PTPRT: variants seen among roughly 807,000 people sequenced by gnomAD.
The protein encoded by PTPRT is protein tyrosine phosphatase receptor type T.
A neutral mutation model predicts 176.8 loss-of-function variants in PTPRT; 56 were observed. The observed-to-expected ratio is 0.32, with a 90% CI of 0.26 to 0.40. PTPRT has a LOEUF of 0.40. PTPRT is among the 10% of genes least tolerant of loss of function. The pLI, the probability that PTPRT is intolerant of heterozygous loss-of-function variation, is 1.00. For synonymous variants in PTPRT, 783 were observed against 739.0 expected (o/e 1.06, Z -0.96); for missense variants, 1,540 against 1,908.2 (o/e 0.81, Z 3.60).
intron 1 of PTPRT, among the ~76,000 whole-genome samples, chr20:43,077,447 G>A (rs995037372): frequency 1.3e-5 from 2 of 152,308 alleles, no homozygotes; most frequent in Middle Eastern, 3.4e-3. Context: ...GTGACCTGGA[G>A]TATAGCGGTG....
intron 9 of PTPRT, among the ~76,000 whole-genome samples, chr20:42,395,957 C>T (rs1244161387): frequency 1.3e-5 from 2 of 152,142 alleles, no homozygotes; most frequent in Non-Finnish European, 2.9e-5. Flanking sequence ...CTTTCACCTC[C>T]TCCAGCTTTA....
intron 1 of PTPRT, among the ~76,000 whole-genome samples, chr20:42,924,081 C>T (rs1979333859): frequency 6.6e-6 from 1 of 152,148 alleles, no homozygotes; most frequent in South Asian, 2.1e-4. Flanking sequence ...TCTCGAACTC[C>T]TACCCTCAAA....
At chr20:42,619,932 C>G (rs1198433880) in intron 7 of PTPRT, among the ~76,000 whole-genome samples, 3 of 147,636 alleles carry the variant, frequency 2.0e-5, no homozygotes, top group Admixed American at 6.7e-5. Context: ...AAGCCTTCTT[C>G]TCTCAGCTCG....
chr20:42,530,378 T>C (rs1395484100), intron 7 of PTPRT, among the ~76,000 whole-genome samples: 8 of 152,318 alleles, frequency 5.3e-5, no homozygotes, highest in Non-Finnish European at 7.3e-5. Context: ...GTGGCTCCTA[T>C]CCATAAGGAG....
At chr20:42,652,773 T>G (rs2145974692) in intron 7 of PTPRT, among the ~76,000 whole-genome samples, 1 of 152,298 alleles carries the variant, frequency 6.6e-6, no homozygotes, top group African/African-American at 2.4e-5. Context: ...TAGTGCAGAT[T>G]TCCTGAACAG....
At chr20:42,715,566 C>A (rs1169273031) in intron 6 of PTPRT, among the ~76,000 whole-genome samples, 1 of 152,062 alleles carries the variant, frequency 6.6e-6, no homozygotes. Flanking sequence ...AAGAAAGAGT[C>A]CTTGAATATA....
intron 6 of PTPRT, among the ~76,000 whole-genome samples, chr20:42,734,163 C>G (rs1030712370): frequency 1.3e-5 from 2 of 152,160 alleles, no homozygotes; most frequent in African/African-American, 2.4e-5. Flanking sequence ...CTGGTTGGCC[C>G]CATCCCTCTG....
At chr20:42,118,832 T>C (rs984472361) in intron 20 of PTPRT, among the ~76,000 whole-genome samples, 2 of 151,722 alleles carry the variant, frequency 1.3e-5, no homozygotes, top group South Asian at 2.1e-4. Flanking sequence ...GACTGTATTA[T>C]GGCTTAAGGG....
In PTPRT at chr20:43,151,313, C is replaced by CA. The variant is rs1454107911; in HGVS notation, c.88+38332dup. 4.1e-4 allele frequency among the ~76,000 whole-genome samples: 11 copies of CA among 26,974 alleles called. No homozygotes were observed. The East Asian group carries it at 4.8e-3, about 12-fold the overall frequency. The allele number at this position is 26,974 out of a possible 152,430, so 17.7% of individuals were successfully genotyped here. ...GGGCAACAGGAGCAAAACTCCGTCT[C>CA]AAACAAAAAAAAAAAAAAAAAAGGC... On this transcript the variant is annotated intron_variant, in intron 1 of 30. Transcript: ENST00000373187.
chr20:43,136,226 T>A (rs1424633003), intron 1 of PTPRT, among the ~76,000 whole-genome samples: 1 of 152,224 alleles, frequency 6.6e-6, no homozygotes, highest in Non-Finnish European at 1.5e-5. Flanking sequence ...GGCCTAAATG[T>A]CAGTTTCCTT....
chr20:42,290,357 G>A lies in PTPRT; in HGVS notation c.2140-7832C>T, dbSNP rs111941352. Among the ~76,000 whole-genome samples the A allele has an allele frequency of 2.7e-3, 416 of 152,094 alleles. 2 individuals carry two copies. Among genetic ancestry groups the A allele is most frequent in the African/African-American group, 9.3e-3 (387 of 41,506 alleles). ...ATAAATCACCCTGGGGTAGAACACC[G>A]TGTCCTTACTGTTGTGCTCTGTTGA... On this transcript the variant is annotated intron_variant, in intron 12 of 30. Transcript: ENST00000373187.
chr20:42,484,814 C>T (rs1175787790), intron 7 of PTPRT, among the ~76,000 whole-genome samples: 1 of 152,190 alleles, frequency 6.6e-6, no homozygotes, highest in East Asian at 1.9e-4. Context: ...GCCTAAACTT[C>T]CTTAATATTC....
At chr20:42,802,230 G>A (rs1018520409) in intron 2 of PTPRT, among the ~76,000 whole-genome samples, 2 of 152,202 alleles carry the variant, frequency 1.3e-5, no homozygotes, top group African/African-American at 2.4e-5. Context: ...CACTGGACTA[G>A]CTGGTCTCTA....
intron 11 of PTPRT, among the ~76,000 whole-genome samples, chr20:42,327,552 C>T (rs140948536): frequency 6.6e-6 from 1 of 152,036 alleles, no homozygotes; most frequent in African/African-American, 2.4e-5. Flanking sequence ...GCGTCATGGT[C>T]ACTACAAGTA....
intron 9 of PTPRT, among the ~76,000 whole-genome samples, chr20:42,418,976 A>G (rs143144122): frequency 6.6e-6 from 1 of 152,240 alleles, no homozygotes; most frequent in East Asian, 1.9e-4. Context: ...TGTTTGGTCC[A>G]TCAGCGTATC....
intron 9 of PTPRT, among the ~76,000 whole-genome samples, chr20:42,396,257 C>A (rs78592176): frequency 0.068 from 10,350 of 152,218 alleles, 436 homozygotes; most frequent in African/African-American, 0.12. Flanking sequence ...ACATCCCAAA[C>A]CTACTTTGCT....
chr20:43,031,351 C>T (rs1436383754), intron 1 of PTPRT, among the ~76,000 whole-genome samples: 1 of 152,190 alleles, frequency 6.6e-6, no homozygotes, highest in Non-Finnish European at 1.5e-5. Flanking sequence ...GGAACAACAA[C>T]TTGCCTTCCA....
At chr20:42,922,438 C>T (rs769883737) in intron 1 of PTPRT, among the ~76,000 whole-genome samples, 17 of 152,226 alleles carry the variant, frequency 1.1e-4, no homozygotes, top group East Asian at 5.8e-4. Flanking sequence ...CTCTCCTGGA[C>T]TCAGGCCTGT....
intron 14 of PTPRT, among the ~76,000 whole-genome samples, chr20:42,245,985 G>A (rs2146902501): frequency 6.6e-6 from 1 of 152,274 alleles, no homozygotes; most frequent in Admixed American, 6.5e-5. Flanking sequence ...GGTGATGATA[G>A]GACACTGAGG....
Sources: allele counts gnomAD v4.1 joint callset (sites outside exome capture counted in the v4.1 genomes callset), GRCh38; gene constraint gnomAD v4.1.1; transcripts MANE v1.5; gene names NCBI Gene and HGNC (gene_info 2026-07-23, HGNC 2026-07-21).